Variants in COMMD1 observed in about 807,000 individuals in gnomAD.
COMMD1 encodes COMM domain-containing protein 1.
A neutral mutation model predicts 17.2 loss-of-function variants in COMMD1; 10 were observed. The observed-to-expected ratio is 0.58, with a 90% CI of 0.36 to 0.99. The LOEUF (loss-of-function observed/expected upper bound fraction) is 0.99. Ranked by LOEUF, COMMD1 falls within the 50% of genes least tolerant of loss-of-function variation. COMMD1 has a pLI of 0.01. For synonymous variants in COMMD1, 97 were observed against 91.6 expected, an observed-to-expected ratio of 1.06 and a Z score of -0.34; for missense variants, 270 against 231.8, an observed-to-expected ratio of 1.17 and a Z score of -1.07.
intron 1 of COMMD1, among the ~76,000 whole-genome samples, chr2:61,916,571 G>C (rs775555026): frequency 6.6e-6 from 1 of 151,934 alleles, no homozygotes; most frequent in Non-Finnish European, 1.5e-5. Context: ...ACAGGTGTGT[G>C]CCAACATGCC....
chr2:62,124,591 C>G (rs1398942284), intron 2 of COMMD1, among the ~76,000 whole-genome samples: 1 of 151,980 alleles, frequency 6.6e-6, no homozygotes, highest in African/African-American at 2.4e-5. Context: ...ACTCTGTCGC[C>G]CAGCCTGGAG....
chr2:61,932,058 G>A (rs1670478880), intron 1 of COMMD1, among the ~76,000 whole-genome samples: 1 of 152,172 alleles, frequency 6.6e-6, no homozygotes, highest in Non-Finnish European at 1.5e-5. Context: ...GCAGTGGCGT[G>A]ATCTCAGCTC....
intron 1 of COMMD1, among the ~76,000 whole-genome samples, chr2:61,910,002 A>G (rs1669863623): frequency 6.6e-6 from 1 of 152,158 alleles, no homozygotes; most frequent in African/African-American, 2.4e-5. Flanking sequence ...GAGCCCTCCT[A>G]TCCTACTTGA....
intron 2 of COMMD1, among the ~76,000 whole-genome samples, chr2:62,090,337 C>T (rs1671792031): frequency 6.6e-6 from 1 of 152,182 alleles, no homozygotes; most frequent in South Asian, 2.1e-4. Context: ...TGATTAGACT[C>T]ACAATGTGAT....
At chr2:61,941,268 TC>T (rs1485991502) in intron 1 of COMMD1, among the ~76,000 whole-genome samples, 2 of 152,102 alleles carry the variant, frequency 1.3e-5, no homozygotes, top group Non-Finnish European at 2.9e-5. Flanking sequence ...CCTTAGGTGA[TC>T]CACCCGCCTC....
chr2:61,983,470 A>AT (rs1672014458), intron 1 of COMMD1, among the ~76,000 whole-genome samples: 1 of 152,104 alleles, frequency 6.6e-6, no homozygotes, highest in Non-Finnish European at 1.5e-5. Flanking sequence ...GATTACAAGC[A>AT]TGAGCCACTG....
intron 1 of COMMD1, among the ~76,000 whole-genome samples, chr2:61,943,838 AAAAAC>A (rs920175651): frequency 4.0e-4 from 61 of 152,296 alleles, no homozygotes; most frequent in African/African-American, 1.2e-3. Flanking sequence ...CTGTCTCAAA[AAAAAC>A]AAAACAAAAC....
chr2:62,085,564 A>G (rs1016955197), intron 2 of COMMD1, among the ~76,000 whole-genome samples: 1 of 152,098 alleles, frequency 6.6e-6, no homozygotes, highest in Non-Finnish European at 1.5e-5. Context: ...ATGGCTGGGC[A>G]TGGTGGCTCA....
chr2:62,013,422 A>G (rs1335426352), intron 2 of COMMD1, among the ~76,000 whole-genome samples: 1 of 152,226 alleles, frequency 6.6e-6, no homozygotes, highest in Non-Finnish European at 1.5e-5. Flanking sequence ...CCACATTTCC[A>G]TCTCTGTTTC....
chr2:61,915,774 G>A (rs1361564674), intron 1 of COMMD1: 1 of 437,458 alleles, frequency 2.3e-6, no homozygotes, highest in South Asian at 1.6e-5. Context: ...GGGATTACAG[G>A]TATGAGCCAC....
intron 1 of COMMD1, among the ~76,000 whole-genome samples, chr2:61,973,522 A>T (rs1265431669): frequency 6.6e-5 from 10 of 152,260 alleles, no homozygotes; most frequent in Non-Finnish European, 1.5e-5. Context: ...TCGCTTATTT[A>T]TCATTTGGGT....
At chr2:62,009,860 G>A (rs886950916) in intron 2 of COMMD1, among the ~76,000 whole-genome samples, 1 of 151,912 alleles carries the variant, frequency 6.6e-6, no homozygotes, top group Non-Finnish European at 1.5e-5. Flanking sequence ...AATAGTGAAA[G>A]GACTATTCTT....
At chr2:61,914,793 C>T (rs977572587) in intron 1 of COMMD1, among the ~76,000 whole-genome samples, 7 of 150,886 alleles carry the variant, frequency 4.6e-5, no homozygotes, top group South Asian at 2.1e-4. Context: ...TGGGTTCAAG[C>T]GATTCTCGTG....
chr2:61,963,276 T>C (rs978034813), intron 1 of COMMD1, among the ~76,000 whole-genome samples: 2 of 151,922 alleles, frequency 1.3e-5, no homozygotes, highest in African/African-American at 4.8e-5. Flanking sequence ...TATAGGACTT[T>C]CCTGAGTTCT....
chr2:61,953,575 C>G (rs1223435655), intron 1 of COMMD1, among the ~76,000 whole-genome samples: 1 of 150,254 alleles, frequency 6.7e-6, no homozygotes, highest in African/African-American at 2.5e-5. Flanking sequence ...TCACCATGTT[C>G]CCCAGGCTGG....
chr2:61,921,317 A>G (rs1670190765), intron 1 of COMMD1, among the ~76,000 whole-genome samples: 1 of 152,194 alleles, frequency 6.6e-6, no homozygotes. Context: ...AGAAGTAAAC[A>G]TTTGTAACCA....
At chr2:61,888,484 C>A (rs767859743), upstream of COMMD1, 2 of 1,611,982 alleles carry the variant, frequency 1.2e-6, no homozygotes, top group Non-Finnish European at 1.7e-6. Context: ...TCGCCCCGCT[C>A]CGGGGTGCCA....
intron 2 of COMMD1, among the ~76,000 whole-genome samples, chr2:62,057,729 C>T (rs1027183740): frequency 6.6e-6 from 1 of 151,662 alleles, no homozygotes; most frequent in Non-Finnish European, 1.5e-5. Flanking sequence ...ACCACCATAC[C>T]TGGCTAATTT....
At chr2:61,930,309 G>C (rs1287220854) in intron 1 of COMMD1, among the ~76,000 whole-genome samples, 1 of 152,198 alleles carries the variant, frequency 6.6e-6, no homozygotes, top group Non-Finnish European at 1.5e-5. Context: ...TGTAATACCA[G>C]CACTTTGGGA....
Sources: gnomAD v4.1 joint callset for allele counts (sites outside exome capture counted in the v4.1 genomes callset) on GRCh38, gnomAD v4.1.1 for gene constraint, MANE v1.5 for transcripts, NCBI Gene and HGNC (gene_info 2026-07-23, HGNC 2026-07-21) for gene names.